HECTD3: variants seen among roughly 807,000 people sequenced by gnomAD.
HECTD3 encodes E3 ubiquitin-protein ligase HECTD3.
Under a neutral mutation model 109.3 loss-of-function variants are expected in HECTD3, and 72 were observed. The observed-to-expected ratio is 0.66, with a 90% CI of 0.54 to 0.80. The LOEUF is 0.80. Ranked by LOEUF, HECTD3 falls within the 30% of genes least tolerant of loss-of-function variation. HECTD3 has a pLI of 0.00. For missense variants in HECTD3, 1,041 were observed against 1,165.2 expected, an observed-to-expected ratio of 0.89 and a Z score of 1.55; for synonymous variants, 481 against 471.8, an observed-to-expected ratio of 1.02 and a Z score of -0.25.
At position 45,003,972 on chromosome 1, in the gene HECTD3, G is replaced by C; in HGVS notation, c.2348-36C>G. 1.9e-6 allele frequency: 3 copies of C among 1,612,712 alleles called. No individual in the cohort carries two copies. Among genetic ancestry groups the C allele is most frequent in the African/African-American group, 1.3e-5 (1 of 75,008 alleles). On this transcript the variant is annotated intron_variant, in intron 18 of 20. Coordinates refer to ENST00000372172, the MANE Select transcript of HECTD3 (RefSeq NM_024602.6). The surrounding 1 kb of genome is among the most constrained non-coding windows in gnomAD (Gnocchi z 4.7). ...AAGGAAATCAGTGCCTGCATGGATG[G>C]TGAGGGAGGGTCTACAACTTCTACC...
At position 45,010,012 on chromosome 1, in the gene HECTD3, C is replaced by T; in HGVS notation, c.733G>A (p.Glu245Lys). Reference protein sequence around the residue: ...ENLGSVKQYVESIDVSSYTEE... With the variant: ...ENLGSVKQYVKSIDVSSYTEE... ...GTGTAGGAGGAAACGTCTATGCTCT[C>T]CACATACTGCTTCACGCTACCCAGG... The change falls in exon 4 of 21, where the codon GAG becomes AAG. Residue 245 changes from glutamate to lysine, a missense_variant. Around this residue, in one of 2 missense-constraint regions of HECTD3, gnomAD observed 472 missense variants for 449.9 expected, o/e 1.05. Transcript: ENST00000372172. 6.4e-7 allele frequency: 1 copy of T among 1,550,970 alleles called. No homozygotes were observed. Among genetic ancestry groups the T allele is most frequent in the Non-Finnish European group, 8.7e-7 (1 of 1,145,296 alleles).
In HECTD3 at chr1:45,006,716, G is replaced by C. The variant is rs779740223; in HGVS notation, c.1701C>G (p.Pro567=). The change falls in exon 13 of 21, where the codon CCC becomes CCG. Residue 567 remains proline (P), a synonymous_variant. Coordinates refer to ENST00000372172, the MANE Select transcript of HECTD3 (RefSeq NM_024602.6). The surrounding 1 kb of genome is among the most constrained non-coding windows in gnomAD (Gnocchi z 4.7). ...CCTGGTTGGCTGTGCGTACAAAGAA[G>C]GGCAGGGGCACGGGGGTATCCGCTG... ...PSSADTPVPL[P]FFVRTANQGN... The C allele has an allele frequency of 6.8e-6, 11 of 1,613,214 alleles. No homozygotes were observed. The East Asian group carries it at 1.8e-4, about 26-fold the overall frequency.
Position 45,009,237 on chromosome 1 carries a change from G to A in HECTD3, c.990-11C>T, listed in dbSNP as rs1307005171. On this transcript the variant is annotated splice_polypyrimidine_tract_variant and intron_variant, in intron 6 of 20. Coordinates refer to ENST00000372172, the MANE Select transcript of HECTD3 (RefSeq NM_024602.6). The stretch of plus-strand genomic sequence containing the variant: ...TCCCCGATGAGGGTCCTGAGGAGAT[G>A]AGTGTGAAGCACTTCAGATACCTCC... 3 of 1,608,394 alleles carry A rather than the reference G, an allele frequency of 1.9e-6. No individual in the cohort carries two copies. Among genetic ancestry groups the A allele is most frequent in the African/African-American group, 2.7e-5 (2 of 74,950 alleles).
chr1:45,007,207 C>T lies in HECTD3; in HGVS notation c.1556+12G>A. 1 of 1,610,246 alleles carries T rather than the reference C, an allele frequency of 6.2e-7. No homozygotes were observed. The highest frequency in any genetic ancestry group is 1.1e-5 in the South Asian group (1 of 90,754). On this transcript the variant is annotated intron_variant, in intron 11 of 20. Transcript: ENST00000372172. The stretch of plus-strand genomic sequence containing the variant: ...AGGTGTCCCGAGTAAGTCCCTCACT[C>T]TCATGCCATACCTGTAGTCCAGGGG...
At chr1:45,008,067 G>GAA (rs991715538) in intron 9 of HECTD3, among the ~76,000 whole-genome samples, 173 bp downstream of exon 9, 1 of 152,326 alleles carries the variant, frequency 6.6e-6, no homozygotes, top group Admixed American at 6.5e-5. Flanking sequence ...GGAGGCTGGG[G>GAA]AACAGCCTCC....
At chr1:45,004,406 G>A (rs1414117281) in intron 16 of HECTD3, 29 bp from the exon 17 acceptor site, 2 of 1,613,546 alleles carry the variant, frequency 1.2e-6, no homozygotes, top group Middle Eastern at 1.7e-4. Context: ...GGCTTGGCTG[G>A]GGAAGAGGGC....
chr1:45,005,389 T>G, intron 15 of HECTD3: 1 of 198,382 alleles, frequency 5.0e-6, no homozygotes, highest in Non-Finnish European at 1.0e-5. Context: ...GCAAACAGAT[T>G]ACAGAGGAAG....
intron 1 of HECTD3, 77 bp downstream of exon 1, chr1:45,010,812 G>A (rs1644783900): frequency 1.3e-6 from 2 of 1,508,336 alleles, no homozygotes; most frequent in Admixed American, 2.2e-5. Flanking sequence ...CTCAATACAG[G>A]GGAGAAAAGG....
At chr1:45,004,020 G>T in intron 18 of HECTD3, 40 bp downstream of exon 18, 1 of 1,613,320 alleles carries the variant, frequency 6.2e-7, no homozygotes, top group Non-Finnish European at 8.5e-7. Flanking sequence ...CTCAGCAGCA[G>T]AGTCCAAACC....
rs4660830 is a variant in HECTD3 at position 45,007,644 on chromosome 1, C to G, written c.1321-49G>C. ...CAGGAATGAGTGGGCAGTCAGCCTC[C>G]GTCCAGGCCCTGGAACTTTCCCCTC... On this transcript the variant is annotated intron_variant, in intron 9 of 20. Transcript: ENST00000372172. 2.4e-4 allele frequency: 363 copies of G among 1,515,136 alleles called. 3 individuals carry two copies. The South Asian group carries it at 3.9e-3, about 16-fold the overall frequency. 93.9% of individuals were successfully genotyped at this position (1,515,136 alleles called of 1,614,324 possible).
rs746910209 is a variant in HECTD3 at position 45,004,128 on chromosome 1, A to G, written c.2279T>C (p.Phe760Ser). The G allele has an allele frequency of 1.2e-6, 2 of 1,614,118 alleles. No homozygotes were observed. The highest frequency in any genetic ancestry group is 2.2e-5 in the South Asian group (2 of 91,088). ...CGAGTCAGATGGCTCGAAGTCCTCAAACCGGGCTGGTGGAGACAAGGCCAG... is the reference window on the plus strand; with the variant it reads ...CGAGTCAGATGGCTCGAAGTCCTCAGACCGGGCTGGTGGAGACAAGGCCAG... ...TVDALRKLTRFEDFEPSDSRV... is the reference protein window; with the variant it reads ...TVDALRKLTRSEDFEPSDSRV... The change falls in exon 18 of 21, where the codon TTT becomes TCT. Residue 760 changes from phenylalanine (F) to serine (S), a missense_variant. Physicochemically the swap from Phe to Ser is radical, Grantham distance 155. This residue lies in a region of HECTD3 where 569 missense variants were observed against 715.3 expected (regional missense o/e 0.80). Transcript: ENST00000372172.
At position 45,009,371 on chromosome 1, in the gene HECTD3, G is replaced by A. The variant is rs200033925; in HGVS notation, c.987C>T (p.Asp329=). 1.1e-4 allele frequency: 176 copies of A among 1,609,724 alleles called. No homozygotes were observed. Among genetic ancestry groups the A allele is most frequent in the Admixed American group, 1.8e-4 (11 of 59,970 alleles). Residue 329 remains aspartate, a splice_region_variant and synonymous_variant, in exon 6 of 21, where the codon GAC becomes GAT. Transcript: ENST00000372172. ...NLKKLSDVSI[D]ETLIGDVCVL... is the part of the protein sequence containing the mutation. ...CCTCCCCAGGCCAGCGTGCTCACTCGTCAATGCTCACGTCACTCAGCTTCT... is the reference window on the plus strand; with the variant it reads ...CCTCCCCAGGCCAGCGTGCTCACTCATCAATGCTCACGTCACTCAGCTTCT...
chr1:45,009,755 G>A, intron 4 of HECTD3, 72 bp from the exon 5 acceptor site: 4 of 1,252,662 alleles, frequency 3.2e-6, no homozygotes, highest in East Asian at 2.4e-5. Context: ...TCTGGGCCAG[G>A]AGCACCAGAG....
At chr1:45,007,947 T>C (rs1471933257) in intron 9 of HECTD3, among the ~76,000 whole-genome samples, 2 of 152,156 alleles carry the variant, frequency 1.3e-5, no homozygotes, top group Non-Finnish European at 2.9e-5. Flanking sequence ...GGCACACTTT[T>C]CTCAAGACAT....
intron 5 of HECTD3, 33 bp downstream of exon 5, chr1:45,009,535 C>T (rs1644765615): frequency 1.2e-6 from 2 of 1,601,152 alleles, no homozygotes; most frequent in Non-Finnish European, 1.7e-6. Context: ...GGGACATAGC[C>T]CACCCACCCT....
Position 45,010,258 on chromosome 1 carries a change from C to A in HECTD3, c.566G>T (p.Arg189Leu), listed in dbSNP as rs766193815. ...EQVVDLTYSH[R>L]LGSRPQPAEA... ...TGCCGGCTGAGGTCTCGATCCCAGGCGATGTGAGTATGTCAGGTCCACCAC... is the reference window on the plus strand; with the variant it reads ...TGCCGGCTGAGGTCTCGATCCCAGGAGATGTGAGTATGTCAGGTCCACCAC... Residue 189 changes from arginine (R) to leucine (L), a missense_variant, in exon 3 of 21, where the codon CGC (arginine) becomes CTC (leucine). Arg to Leu is a moderately radical substitution (Grantham distance 102, BLOSUM62 -2). This residue lies in a region of HECTD3 where 472 missense variants were observed against 449.9 expected (regional missense o/e 1.05). Transcript: ENST00000372172. The A allele has an allele frequency of 1.9e-6, 3 of 1,613,952 alleles. No individual in the cohort carries two copies. Among genetic ancestry groups the A allele is most frequent in the Non-Finnish European group, 2.5e-6 (3 of 1,179,972 alleles).
Position 45,006,843 on chromosome 1 carries a change from A to G in HECTD3, c.1622-48T>C, listed in dbSNP as rs972669832. 5 of 1,595,686 alleles carry G rather than the reference A, an allele frequency of 3.1e-6. No individual in the cohort carries two copies. Among genetic ancestry groups the G allele is most frequent in the Admixed American group, 3.4e-5 (2 of 59,450 alleles). ...CTGGGCACTCAAGAGCCCAGCTCCC[A>G]TAATGGGGTAATGAATAGGTCCCCC... On this transcript the variant is annotated intron_variant, in intron 12 of 20. Transcript: ENST00000372172. The surrounding 1 kb of genome is among the most constrained non-coding windows in gnomAD (Gnocchi z 4.7).
rs1320270160 is a variant in HECTD3 at position 45,010,574 on chromosome 1, A to C, written c.502T>G (p.Phe168Val). The part of the protein sequence containing the change: ...PNHLQRQQQL[F>V]GVDYRPVLRW... ...AGCACCGGCCGATAATCCACGCCAAAGAGCTGCTGCTGCCGCTGGAGGTGG... is the reference window on the plus strand; with the variant it reads ...AGCACCGGCCGATAATCCACGCCAACGAGCTGCTGCTGCCGCTGGAGGTGG... Residue 168 changes from phenylalanine (F) to valine (V), a missense_variant, in exon 2 of 21, where the codon TTT becomes GTT. By Grantham distance (50) the Phe-to-Val change is conservative. Transcript: ENST00000372172. The C allele has an allele frequency of 6.2e-7, 1 of 1,613,656 alleles. No homozygotes were observed. The highest frequency in any genetic ancestry group is 1.7e-5 in the Admixed American group (1 of 60,020).
At chr1:45,004,986 T>C (rs1215753618) in intron 15 of HECTD3, 180 bp from the exon 16 acceptor site, 9 of 634,104 alleles carry the variant, frequency 1.4e-5, no homozygotes, top group Non-Finnish European at 2.5e-5. Flanking sequence ...CTAACCAGCC[T>C]TGGAGGCCAG....
Sources: gnomAD v4.1 joint callset for allele counts (sites outside exome capture counted in the v4.1 genomes callset) on GRCh38, gnomAD v4.1.1 for gene constraint, gnomAD v4.1.1 regional missense constraint, Gnocchi (gnomAD v3.1) non-coding constraint, MANE v1.5 for transcripts, NCBI Gene and HGNC (gene_info 2026-07-23, HGNC 2026-07-21) for gene names.